The following RYR1 variants were observed in gnomAD, a reference collection of about 807,000 sequenced individuals.
The protein encoded by RYR1 is central core disease of muscle.
Under a neutral mutation model 583.5 loss-of-function variants are expected in RYR1, and 342 were observed. The ratio of observed to expected loss-of-function variants is 0.59; its 90% CI spans 0.54 to 0.64. RYR1 has a LOEUF of 0.64. Among genes scored for constraint, RYR1 ranks in the 30% least tolerant of loss-of-function variants. The pLI, the probability that RYR1 is intolerant of heterozygous loss-of-function variation, is 0.00. For missense variants in RYR1, 6,032 were observed against 6,917.2 expected (o/e 0.87, Z 4.54); for synonymous variants, 2,791 against 2,822.5 (o/e 0.99, Z 0.35).
chr19:38,515,145 C>A, intron 64 of RYR1, 38 bp downstream of exon 64: 1 of 986,914 alleles, frequency 1.0e-6, no homozygotes, highest in East Asian at 3.0e-5. Flanking sequence ...CTGGGTGGGG[C>A]TGGAGGGGAA....
chr19:38,507,021 G>A, intron 57 of RYR1, 69 bp downstream of exon 57: 1 of 1,607,664 alleles, frequency 6.2e-7, no homozygotes, highest in Non-Finnish European at 8.5e-7. Flanking sequence ...GGAAGGGGCG[G>A]GGCCAGAGAG....
chr19:38,467,407 G>A (rs1384912442), intron 24 of RYR1, among the ~76,000 whole-genome samples: 1 of 152,106 alleles, frequency 6.6e-6, no homozygotes, highest in African/African-American at 2.4e-5. Context: ...CTACAGAGAT[G>A]GGGGTCTCTC....
At position 38,543,631 on chromosome 19, in the gene RYR1, G is replaced by C. The variant is rs1064796578; in HGVS notation, c.11878G>C (p.Val3960Leu). 3 of 1,613,990 alleles carry C rather than the reference G, an allele frequency of 1.9e-6. No individual in the cohort carries two copies. Among genetic ancestry groups the C allele is most frequent in the African/African-American group, 2.7e-5 (2 of 74,936 alleles). The change falls in exon 86 of 106, where the codon GTG (valine) becomes CTG (leucine). Residue 3960 changes from valine to leucine, a missense_variant. Coordinates refer to ENST00000359596, the MANE Select transcript of RYR1 (RefSeq NM_000540.3). The surrounding 1 kb of genome is among the most constrained non-coding windows in gnomAD (Gnocchi z 4.4). ...FSKAMSVAKQVFNSLTEYIQG... is the reference protein window; with the variant it reads ...FSKAMSVAKQLFNSLTEYIQG... ...CAAAGCCATGTCGGTGGCTAAGCAG[G>C]TGTTCAACAGCCTCACTGAGTACAT...
In RYR1 at chr19:38,543,596, G is replaced by A. The variant is rs1361868559; in HGVS notation, c.11843G>A (p.Arg3948Lys). The change falls in exon 86 of 106, where the codon AGG (arginine) becomes AAG (lysine). Residue 3948 changes from arginine to lysine, a missense_variant. Arg to Lys is a conservative substitution (Grantham distance 26). This residue lies in a region of RYR1 where 82 missense variants were observed against 139.7 expected (regional missense o/e 0.59). Transcript: ENST00000359596. The surrounding 1 kb of genome is among the most constrained non-coding windows in gnomAD (Gnocchi z 4.4). ...GKDVIEEQGK[R>K]NFSKAMSVAK... Reference sequence around the variant, plus strand: ...GATGTCATTGAAGAGCAGGGCAAGAGGAACTTCTCCAAAGCCATGTCGGTG... The same window carrying A: ...GATGTCATTGAAGAGCAGGGCAAGAAGAACTTCTCCAAAGCCATGTCGGTG... The A allele has an allele frequency of 6.2e-7, 1 of 1,614,188 alleles. No individual in the cohort carries two copies. The highest frequency in any genetic ancestry group is 1.7e-5 in the Admixed American group (1 of 60,022).
chr19:38,527,484 T>C, intron 72 of RYR1, 163 bp from the exon 73 acceptor site: 1 of 895,092 alleles, frequency 1.1e-6, no homozygotes, highest in Non-Finnish European at 1.7e-6. Flanking sequence ...CACTCCAGCC[T>C]GGGTGATGGG....
chr19:38,497,408 A>G (rs1969896120), intron 42 of RYR1, among the ~76,000 whole-genome samples: 1 of 152,230 alleles, frequency 6.6e-6, no homozygotes, highest in South Asian at 2.1e-4. Context: ...CGTGGGCTCC[A>G]GACTTCAGCA....
In RYR1 at chr19:38,470,635, C is replaced by G. The variant is rs113262819; in HGVS notation, c.3765+1122C>G. Among the ~76,000 whole-genome samples, 749 of 151,922 alleles carry G rather than the reference C, an allele frequency of 4.9e-3. 6 individuals carry two copies. The highest frequency in any genetic ancestry group is 0.017 in the African/African-American group (695 of 41,422). On this transcript the variant is annotated intron_variant, in intron 27 of 105. Transcript: ENST00000359596. Reference sequence around the variant, plus strand: ...GCGGGTGCCTGTAGTCCCAGCTACTCAAGAGGCTGAGGCAGGAGAATCACT... The same window carrying G: ...GCGGGTGCCTGTAGTCCCAGCTACTGAAGAGGCTGAGGCAGGAGAATCACT...
At chr19:38,485,528 T>C in intron 33 of RYR1, 62 bp from the exon 34 acceptor site, 3 of 1,595,152 alleles carry the variant, frequency 1.9e-6, no homozygotes, top group Non-Finnish European at 2.6e-6. Flanking sequence ...GAAGAGATGG[T>C]GGCTTGACTG....
chr19:38,568,110 G>T lies in RYR1; in HGVS notation c.13659+193G>T, dbSNP rs190547541. 3.7e-3 allele frequency among the ~76,000 whole-genome samples: 562 copies of T among 152,286 alleles called. 4 individuals are homozygous for T. The highest frequency in any genetic ancestry group is 6.1e-3 in the Non-Finnish European group (415 of 68,006). On this transcript the variant is annotated intron_variant, in intron 93 of 105. Coordinates refer to ENST00000359596, the MANE Select transcript of RYR1 (RefSeq NM_000540.3). The stretch of plus-strand genomic sequence containing the variant: ...AGCATTTTCAGATGGCCCTCACTTG[G>T]TTCCTTGTCCCTTCCCTGCTCACTA...
chr19:38,576,191 C>T (rs1174552405), intron 97 of RYR1, among the ~76,000 whole-genome samples: 1 of 152,206 alleles, frequency 6.6e-6, no homozygotes, highest in African/African-American at 2.4e-5. Flanking sequence ...TGGTGGCTCA[C>T]GCCTGTAATC....
Position 38,486,130 on chromosome 19 carries a change from C to T in RYR1, c.5475C>T (p.His1825=), listed in dbSNP as rs747310543. ...AGGCGGTGCGCGACGGTGGGCAGCA[C>T]GCTCGCGACCCCGTCGGGGGCTCCG... ...LGEAVRDGGQ[H]ARDPVGGSVE... The change falls in exon 34 of 106, where the codon CAC becomes CAT. Residue 1825 remains histidine, a synonymous_variant. Transcript: ENST00000359596. 3.2e-5 allele frequency: 52 copies of T among 1,613,160 alleles called. No individual in the cohort carries two copies. Among genetic ancestry groups the T allele is most frequent in the Middle Eastern group, 1.7e-4 (1 of 6,060 alleles).
At chr19:38,546,900 T>C (rs374597748) in intron 88 of RYR1, among the ~76,000 whole-genome samples, 1 of 149,038 alleles carries the variant, frequency 6.7e-6, no homozygotes, top group African/African-American at 2.5e-5. Context: ...TGCAGTGAGC[T>C]GTGATCACAC....
At chr19:38,548,185 C>A (rs530544035) in intron 88 of RYR1, 48 bp from the exon 89 acceptor site, 2 of 1,610,060 alleles carry the variant, frequency 1.2e-6, no homozygotes, top group African/African-American at 2.7e-5. Flanking sequence ...CTGGTGGGGC[C>A]CCAGAAGGGA....
intron 78 of RYR1, 93 bp from the exon 79 acceptor site, chr19:38,534,627 G>A (rs1252961885): frequency 1.9e-6 from 2 of 1,078,162 alleles, no homozygotes; most frequent in Admixed American, 2.0e-5. Flanking sequence ...TGTGGATGTG[G>A]CTGGAACAGG....
At position 38,528,957 on chromosome 19, in the gene RYR1, G is replaced by T; in HGVS notation, c.11041G>T (p.Gly3681Trp). 1 of 1,608,350 alleles carries T rather than the reference G, an allele frequency of 6.2e-7. No individual in the cohort carries two copies. The highest frequency in any genetic ancestry group is 8.5e-7 in the Non-Finnish European group (1 of 1,177,290). ...GTCTCCCCTCTCCCACCAGAAAGCTGGGGAGCAGGAGGAGGAGGAGGAAGA... is the reference window on the plus strand; with the variant it reads ...GTCTCCCCTCTCCCACCAGAAAGCTTGGGAGCAGGAGGAGGAGGAGGAAGA... ...DRMIDDLSKA[G>W]EQEEEEEEVE... is the part of the protein sequence containing the mutation. The change falls in exon 76 of 106, where the codon GGG becomes TGG. Residue 3681 changes from glycine (G) to tryptophan (W), a missense_variant. Coordinates refer to ENST00000359596, the MANE Select transcript of RYR1 (RefSeq NM_000540.3).
chr19:38,567,863 G>A lies in RYR1; in HGVS notation c.13605G>A (p.Glu4535=), dbSNP rs779198972. ...CTCCCTCACCCCCTCCAAAGAAGGAGGAAGCTGGAGGCGAATTCTGGGGAG... is the reference window on the plus strand; with the variant it reads ...CTCCCTCACCCCCTCCAAAGAAGGAAGAAGCTGGAGGCGAATTCTGGGGAG... The part of the protein sequence containing the change: ...QAPPSPPPKK[E]EAGGEFWGEL... Residue 4535 remains glutamate (E), a synonymous_variant, in exon 93 of 106, where the codon GAG becomes GAA. Coordinates refer to ENST00000359596, the MANE Select transcript of RYR1 (RefSeq NM_000540.3). 4 of 1,613,964 alleles carry A rather than the reference G, an allele frequency of 2.5e-6. No homozygotes were observed. In the Admixed American group the frequency reaches 6.7e-5, roughly 27 times the overall value.
rs754465350 is a variant in RYR1, at chr19:38,475,461, G to C, written c.4293+11G>C. The C allele has an allele frequency of 6.2e-7, 1 of 1,613,104 alleles. No individual in the cohort carries two copies. The highest frequency in any genetic ancestry group is 8.5e-7 in the Non-Finnish European group (1 of 1,180,030). On this transcript the variant is annotated intron_variant, in intron 29 of 105. Transcript: ENST00000359596. ...CTCAACACCACCACGGTGTGGACCA[G>C]TAACCCTCAATTTTGGGGTCCCCCC...
chr19:38,477,087 G>GA lies in RYR1; in HGVS notation c.4294-615dup, dbSNP rs1041909544. On this transcript the variant is annotated intron_variant, in intron 29 of 105. Transcript: ENST00000359596. ...AAAAAAAAGAAGAAGAAGAAGGAAAGAAAAAAAAGACCTTAGCACAGTCAG... is the reference window on the plus strand; with the variant it reads ...AAAAAAAAGAAGAAGAAGAAGGAAAGAAAAAAAAAGACCTTAGCACAGTCAG... Among the ~76,000 whole-genome samples, 32 of 150,828 alleles carry GA rather than the reference G, an allele frequency of 2.1e-4. 1 individual carries two copies. The highest frequency in any genetic ancestry group is 1.5e-4 in the Non-Finnish European group (10 of 67,608).
chr19:38,518,496 G>A (rs998193512), intron 66 of RYR1, among the ~76,000 whole-genome samples: 18 of 152,158 alleles, frequency 1.2e-4, no homozygotes, highest in African/African-American at 4.3e-4. Flanking sequence ...TCAGAGGCCA[G>A]GGTAAGGGGC....
Sources: gnomAD v4.1 joint callset for allele counts (sites outside exome capture counted in the v4.1 genomes callset) on GRCh38, gnomAD v4.1.1 for gene constraint, gnomAD v4.1.1 regional missense constraint, Gnocchi (gnomAD v3.1) non-coding constraint, MANE v1.5 for transcripts, NCBI Gene and HGNC (gene_info 2026-07-23, HGNC 2026-07-21) for gene names.